The following NEBL variants were observed in gnomAD, a reference collection of about 807,000 sequenced individuals.
NEBL encodes the protein LIM and SH3 protein 2.
Under a neutral mutation model 140.2 loss-of-function variants are expected in NEBL, and 122 were observed. That is an observed-to-expected ratio of 0.87 (90% CI 0.75 to 1.01). The LOEUF (loss-of-function observed/expected upper bound fraction) is 1.01. Among genes scored for constraint, NEBL ranks in the 50% least tolerant of loss-of-function variants. The pLI, the probability that NEBL is intolerant of heterozygous loss-of-function variation, is 0.00. For synonymous variants in NEBL, 436 were observed against 398.9 expected, an observed-to-expected ratio of 1.09 and a Z score of -1.11; for missense variants, 1,365 against 1,231.3, an observed-to-expected ratio of 1.11 and a Z score of -1.62.
At position 21,173,537 on chromosome 10, in the gene NEBL, C is replaced by T. The variant is rs1438679964; in HGVS notation, c.69+228G>A. On this transcript the variant is annotated intron_variant, in intron 1 of 6. Coordinates refer to the NEBL transcript ENST00000417816. The surrounding 1 kb of genome is among the most constrained non-coding windows in gnomAD (Gnocchi z 5.7). ...CGCAGAGGCTCTGCCGATGTCGCAC[C>T]GCCCCGCACCGCGACAAAAGCCCTT... Among the ~76,000 whole-genome samples, 2 of 152,198 alleles carry T rather than the reference C, an allele frequency of 1.3e-5. No homozygotes were observed. Among genetic ancestry groups the T allele is most frequent in the East Asian group, 1.9e-4 (1 of 5,168 alleles).
At chr10:21,143,579 AC>A (rs1158032077) in intron 2 of NEBL, among the ~76,000 whole-genome samples, 10 of 152,180 alleles carry the variant, frequency 6.6e-5, no homozygotes, top group African/African-American at 2.4e-4. Flanking sequence ...AGAAAGGAGA[AC>A]ATAGACAAAT....
At chr10:21,083,798 T>C (rs558928965) in intron 2 of NEBL, among the ~76,000 whole-genome samples, 2 of 152,270 alleles carry the variant, frequency 1.3e-5, no homozygotes, top group African/African-American at 2.4e-5. Flanking sequence ...TGAGCCATGA[T>C]TGTGCCACTG....
chr10:20,907,066 G>T (rs188433091), intron 4 of NEBL, among the ~76,000 whole-genome samples: 1 of 152,090 alleles, frequency 6.6e-6, no homozygotes, highest in Admixed American at 6.6e-5. Context: ...GACCATGTTG[G>T]ACAGTATAGC....
At chr10:20,963,633 G>T (rs1165470341) in intron 3 of NEBL, among the ~76,000 whole-genome samples, 2 of 152,098 alleles carry the variant, frequency 1.3e-5, no homozygotes, top group Non-Finnish European at 2.9e-5. Context: ...GGCCTCAAGT[G>T]ATCCTCCTAC....
At chr10:21,152,629 G>A (rs959343980) in intron 2 of NEBL, among the ~76,000 whole-genome samples, 3 of 151,254 alleles carry the variant, frequency 2.0e-5, no homozygotes, top group African/African-American at 4.9e-5. Context: ...GAAACAGGAA[G>A]AGGACAAAAT....
upstream of NEBL, among the ~76,000 whole-genome samples, chr10:20,899,011 A>G (rs1027235982): frequency 2.0e-5 from 3 of 152,340 alleles, no homozygotes; most frequent in African/African-American, 4.8e-5. Context: ...AATTGCCTCA[A>G]GCATGCTGAA....
chr10:21,284,267 C>G (rs934315002), intron 1 of NEBL, among the ~76,000 whole-genome samples: 1 of 137,472 alleles, frequency 7.3e-6, no homozygotes. Context: ...AGAATTCAGT[C>G]TGATGATATT....
intron 2 of NEBL, chr10:21,030,639 A>G (rs1833739677): frequency 1.1e-5 from 6 of 538,080 alleles, no homozygotes; most frequent in Non-Finnish European, 2.2e-5. Context: ...CAGCAAGGAA[A>G]GATGAAAATA....
At chr10:21,017,270 C>T (rs1323011130) in intron 3 of NEBL, among the ~76,000 whole-genome samples, 1 of 152,136 alleles carries the variant, frequency 6.6e-6, no homozygotes. Flanking sequence ...TACAGCAACA[C>T]TGTTGATGAT....
At chr10:21,170,761 C>A (rs151063320) in intron 2 of NEBL, 2 of 152,576 alleles carry the variant, frequency 1.3e-5, no homozygotes, top group East Asian at 3.9e-4. Flanking sequence ...ATTAAACAGT[C>A]TTCACCAGAT....
intron 26 of NEBL, among the ~76,000 whole-genome samples, chr10:20,804,140 G>C (rs1832548508): frequency 6.6e-6 from 1 of 151,928 alleles, no homozygotes; most frequent in Non-Finnish European, 1.5e-5. Context: ...CATGCAGAGA[G>C]AGACAAATAA....
chr10:21,212,797 G>A (rs1015704493), intron 3 of NEBL, among the ~76,000 whole-genome samples: 6 of 152,094 alleles, frequency 3.9e-5, no homozygotes, highest in Non-Finnish European at 5.9e-5. Flanking sequence ...GGAAATAGCT[G>A]GCTTGACTAC....
intron 3 of NEBL, 32 bp downstream of exon 3, chr10:20,889,812 TG>T: frequency 7.7e-7 from 1 of 1,300,552 alleles, no homozygotes; most frequent in African/African-American, 1.5e-5. Context: ...AAAAGATAAA[TG>T]CAAGCCAGTT....
intron 2 of NEBL, among the ~76,000 whole-genome samples, chr10:21,101,973 T>C (rs1440843178): frequency 6.6e-6 from 1 of 152,222 alleles, no homozygotes; most frequent in Non-Finnish European, 1.5e-5. Flanking sequence ...GCCACAAAGG[T>C]AGACAGGGCA....
intron 17 of NEBL, among the ~76,000 whole-genome samples, chr10:20,827,391 C>T (rs1293953466): frequency 6.6e-6 from 1 of 152,192 alleles, no homozygotes; most frequent in Non-Finnish European, 1.5e-5. Flanking sequence ...TGTGGAGACC[C>T]AGCAGACATC....
intron 2 of NEBL, among the ~76,000 whole-genome samples, chr10:21,109,891 T>C (rs1027671654): frequency 1.3e-5 from 2 of 152,176 alleles, no homozygotes; most frequent in African/African-American, 4.8e-5. Context: ...GATTCTTCTC[T>C]CTTATCTTCT....
At chr10:21,171,339 A>C (rs1279681402) in intron 2 of NEBL, among the ~76,000 whole-genome samples, 2 of 89,172 alleles carry the variant, frequency 2.2e-5, no homozygotes, top group Admixed American at 1.9e-4. Flanking sequence ...CTGTCTCAAA[A>C]AAAAAAAAAA....
intron 4 of NEBL, among the ~76,000 whole-genome samples, chr10:20,911,768 C>G (rs1373203531): frequency 6.6e-6 from 1 of 152,158 alleles, no homozygotes; most frequent in Non-Finnish European, 1.5e-5. Flanking sequence ...TAAACATCAT[C>G]AGTGGGAAAT....
At chr10:21,202,553 C>T (rs1352504237) in intron 3 of NEBL, among the ~76,000 whole-genome samples, 1 of 150,410 alleles carries the variant, frequency 6.6e-6, no homozygotes, top group Non-Finnish European at 1.5e-5. Context: ...AAGCTCCGCC[C>T]CGCTGTTGAC....
Sources: gnomAD v4.1 joint callset for allele counts (sites outside exome capture counted in the v4.1 genomes callset) on GRCh38, gnomAD v4.1.1 for gene constraint, Gnocchi (gnomAD v3.1) non-coding constraint, MANE v1.5 for transcripts, NCBI Gene and HGNC (gene_info 2026-07-23, HGNC 2026-07-21) for gene names.